The following ANO10 variants were observed in gnomAD, a reference collection of about 807,000 sequenced individuals.
ANO10 encodes anoctamin 10, also known as anoctamin-10.
Under a neutral mutation model 74.7 loss-of-function variants are expected in ANO10, and 77 were observed. The observed-to-expected ratio is 1.03, with a 90% CI of 0.86 to 1.25. ANO10 has a LOEUF of 1.25. Among genes scored for constraint, ANO10 ranks in the 50% most tolerant of loss-of-function variants. The pLI is 0.00. For synonymous variants in ANO10, 279 were observed against 284.9 expected, an observed-to-expected ratio of 0.98 and a Z score of 0.21; for missense variants, 721 against 778.1, an observed-to-expected ratio of 0.93 and a Z score of 0.87.
intron 11 of ANO10, among the ~76,000 whole-genome samples, chr3:43,498,595 C>T (rs972322282): frequency 1.3e-5 from 2 of 152,180 alleles, no homozygotes; most frequent in Non-Finnish European, 2.9e-5. Context: ...ATCCCAAGTC[C>T]AAAGCTTAGC....
intron 2 of ANO10, among the ~76,000 whole-genome samples, chr3:43,601,271 T>A (rs914774760): frequency 2.0e-5 from 3 of 152,198 alleles, no homozygotes; most frequent in Non-Finnish European, 4.4e-5. Context: ...GGTGGCACGA[T>A]CTTGGCTCAC....
intron 4 of ANO10, among the ~76,000 whole-genome samples, chr3:43,594,135 G>A (rs1259403785): frequency 6.6e-6 from 1 of 152,152 alleles, no homozygotes; most frequent in Non-Finnish European, 1.5e-5. Context: ...CCTACAAAGA[G>A]ACTTAGACTC....
intron 4 of ANO10, among the ~76,000 whole-genome samples, chr3:43,582,688 GA>G (rs940158057): frequency 6.6e-6 from 1 of 152,188 alleles, no homozygotes; most frequent in Non-Finnish European, 1.5e-5. Flanking sequence ...TACACGAGGA[GA>G]AAAGTTTTTA....
Position 43,560,922 on chromosome 3 carries a change from C to T in ANO10, c.1476+298G>A, listed in dbSNP as rs566524875. On this transcript the variant is annotated intron_variant, in intron 9 of 12. Transcript: ENST00000292246. The stretch of plus-strand genomic sequence containing the variant: ...CTGCCTCTTCAGGGACCATCTCTCC[C>T]GTTCTGTCATCTCTGGGGCAACTAT... Among the ~76,000 whole-genome samples, 62 of 152,336 alleles carry T rather than the reference C, an allele frequency of 4.1e-4. 1 individual carries two copies. Among genetic ancestry groups the T allele is most frequent in the African/African-American group, 1.3e-3 (54 of 41,576 alleles).
intron 7 of ANO10, among the ~76,000 whole-genome samples, chr3:43,570,552 T>C (rs2080648250): frequency 6.6e-6 from 1 of 152,168 alleles, no homozygotes; most frequent in South Asian, 2.1e-4. Context: ...TATCTGATCT[T>C]TGACAAACCT....
At chr3:43,500,023 T>G (rs1475081023) in intron 11 of ANO10, among the ~76,000 whole-genome samples, 3 of 152,020 alleles carry the variant, frequency 2.0e-5, no homozygotes, top group Non-Finnish European at 4.4e-5. Context: ...TTTTTGGTAT[T>G]TTTAGTAGAG....
intron 11 of ANO10, among the ~76,000 whole-genome samples, chr3:43,433,482 T>G (rs1212464421): frequency 6.6e-6 from 1 of 152,214 alleles, no homozygotes; most frequent in Non-Finnish European, 1.5e-5. Flanking sequence ...TCATGAATCC[T>G]CTAATCCCAT....
intron 11 of ANO10, among the ~76,000 whole-genome samples, chr3:43,518,115 G>A (rs1336701931): frequency 6.6e-6 from 1 of 152,112 alleles, no homozygotes; most frequent in African/African-American, 2.4e-5. Context: ...ATCCTATCTG[G>A]GCAAGTGTTG....
rs945313804 is a variant in ANO10, at chr3:43,586,717, T to G, written c.473-6245A>C. Among the ~76,000 whole-genome samples, 9 of 152,224 alleles carry G rather than the reference T, an allele frequency of 5.9e-5. 1 individual carries two copies. Among genetic ancestry groups the G allele is most frequent in the African/African-American group, 2.2e-4 (9 of 41,546 alleles). On this transcript the variant is annotated intron_variant, in intron 4 of 12. Coordinates refer to ENST00000292246, the MANE Select transcript of ANO10 (RefSeq NM_018075.5). ...CAACAAAAAACCATGAAATTCTTCA[T>G]GAAATTTAAGAAATTCATGCAAACA...
chr3:43,621,916 C>A lies in ANO10; in HGVS notation c.-19G>T, dbSNP rs2083416711. 1 of 152,638 alleles carries A rather than the reference C, an allele frequency of 6.6e-6. No individual in the cohort carries two copies. The highest frequency in any genetic ancestry group is 1.9e-4 in the East Asian group (1 of 5,172). The allele number at this position is 152,638 out of a possible 1,614,324, so 9.5% of individuals were successfully genotyped here. A position where few individuals can be genotyped will look rare whatever the true frequency, so the allele number is the denominator to read the frequency against. ...GTGCCCTCCCCGACTCACCAGCCGC[C>A]GCAGCGCTCCACGTCTTCGGAGGCG... On this transcript the variant is annotated 5_prime_UTR_variant, in exon 1 of 13. Transcript: ENST00000292246.
At chr3:43,385,421 G>A (rs1241110325) in intron 12 of ANO10, among the ~76,000 whole-genome samples, 2 of 152,068 alleles carry the variant, frequency 1.3e-5, no homozygotes, top group Non-Finnish European at 2.9e-5. Context: ...TCTCCCCAGA[G>A]GAAAAGAAAT....
At chr3:43,501,640 A>G (rs2077104324) in intron 11 of ANO10, among the ~76,000 whole-genome samples, 1 of 152,186 alleles carries the variant, frequency 6.6e-6, no homozygotes, top group Admixed American at 6.5e-5. Context: ...ATGAAGACTA[A>G]GATTGTTACC....
At chr3:43,531,638 A>C (rs932418837) in intron 11 of ANO10, among the ~76,000 whole-genome samples, 1 of 152,198 alleles carries the variant, frequency 6.6e-6, no homozygotes, top group African/African-American at 2.4e-5. Context: ...TCACACCTGT[A>C]ATCTCAGCAC....
At chr3:43,496,295 G>A (rs1216631851) in intron 11 of ANO10, among the ~76,000 whole-genome samples, 2 of 152,058 alleles carry the variant, frequency 1.3e-5, no homozygotes, top group Non-Finnish European at 1.5e-5. Context: ...AAAGAGCAAG[G>A]TATATATTTA....
intron 4 of ANO10, 29 bp from the exon 5 acceptor site, chr3:43,580,501 T>C: frequency 6.2e-7 from 1 of 1,611,220 alleles, no homozygotes. Context: ...CCAAACTGCA[T>C]GAAATGGACT....
At chr3:43,494,360 G>A (rs757828633) in intron 11 of ANO10, among the ~76,000 whole-genome samples, 2 of 152,188 alleles carry the variant, frequency 1.3e-5, no homozygotes, top group African/African-American at 2.4e-5. Context: ...GGCTGAGGCA[G>A]GAGAATTGCT....
intron 11 of ANO10, among the ~76,000 whole-genome samples, chr3:43,549,328 T>G (rs751806271): frequency 7.9e-5 from 12 of 152,114 alleles, no homozygotes; most frequent in Non-Finnish European, 1.6e-4. Context: ...ATTTTTAAAT[T>G]TTTTGTGGAG....
At chr3:43,441,931 T>A (rs1352874449) in intron 11 of ANO10, among the ~76,000 whole-genome samples, 1 of 152,006 alleles carries the variant, frequency 6.6e-6, no homozygotes, top group Non-Finnish European at 1.5e-5. Flanking sequence ...GCAAAAAAAG[T>A]ATACGACAAA....
intron 11 of ANO10, among the ~76,000 whole-genome samples, chr3:43,501,972 T>C (rs1374417490): frequency 2.6e-5 from 4 of 152,148 alleles, no homozygotes; most frequent in Non-Finnish European, 2.9e-5. Context: ...CTCACACCCA[T>C]AGGATGGCTA....
Sources: gnomAD v4.1 joint callset for allele counts (sites outside exome capture counted in the v4.1 genomes callset) on GRCh38, gnomAD v4.1.1 for gene constraint, MANE v1.5 for transcripts, NCBI Gene and HGNC (gene_info 2026-07-23, HGNC 2026-07-21) for gene names.